Variants in INSR observed in about 807,000 individuals in gnomAD.
INSR encodes the protein IR.
In INSR, 67 loss-of-function variants were observed where a neutral mutation model predicts 142.6. That is an observed-to-expected ratio of 0.47 (90% CI 0.39 to 0.58). The LOEUF is 0.58. Among genes scored for constraint, INSR ranks in the 20% least tolerant of loss-of-function variants. The pLI, the probability that INSR is intolerant of heterozygous loss-of-function variation, is 0.00. For synonymous variants in INSR, 756 were observed against 743.1 expected (o/e 1.02, Z -0.28); for missense variants, 1,248 against 1,833.2 (o/e 0.68, Z 5.83).
chr19:7,249,453 A>G (rs551736440), intron 2 of INSR, among the ~76,000 whole-genome samples: 1 of 152,304 alleles, frequency 6.6e-6, no homozygotes, highest in East Asian at 1.9e-4. Flanking sequence ...CAGACACTAA[A>G]AAAAGGGAGG....
intron 1 of INSR, among the ~76,000 whole-genome samples, chr19:7,283,021 C>T (rs1190985627): frequency 6.7e-6 from 1 of 150,266 alleles, no homozygotes. Context: ...TGGTGAGACC[C>T]CATCTCTACT....
intron 9 of INSR, among the ~76,000 whole-genome samples, chr19:7,153,353 A>ACC (rs1973484306): frequency 1.1e-5 from 1 of 92,766 alleles, no homozygotes; most frequent in Admixed American, 1.2e-4. Context: ...ACCACAGACC[A>ACC]CACACCACAC....
rs1600141180 is a variant in INSR, at chr19:7,293,817, G to C, written c.75C>G (p.Ala25=). The C allele has an allele frequency of 7.4e-7, 1 of 1,353,278 alleles. No individual in the cohort carries two copies. The highest frequency in any genetic ancestry group is 1.5e-5 in the African/African-American group (1 of 66,544). 83.8% of individuals were successfully genotyped at this position (1,353,278 alleles called of 1,614,324 possible). The change falls in exon 1 of 22, where the codon GCC becomes GCG. Residue 25 remains alanine (A), a synonymous_variant. Transcript: ENST00000302850. The part of the protein sequence containing the change: ...LVAVAALLLG[A]AGHLYPGEVC... ...CCTCTCCGGGGTACAGGTGGCCCGC[G>C]GCGCCCAGTAGCAGCGCGGCCACCG...
At chr19:7,264,038 G>A (rs77030109) in intron 2 of INSR, among the ~76,000 whole-genome samples, 4,025 of 152,164 alleles carry the variant, frequency 0.026, 138 homozygotes, top group East Asian at 0.15. Context: ...GTGTGGTGGC[G>A]CATGCCTGTA....
At chr19:7,187,489 A>T (rs1026161227) in intron 2 of INSR, among the ~76,000 whole-genome samples, 26 of 152,348 alleles carry the variant, frequency 1.7e-4, no homozygotes, top group Admixed American at 1.4e-3. Flanking sequence ...TAAAATTTTT[A>T]AAAAGTTTTA....
intron 2 of INSR, among the ~76,000 whole-genome samples, chr19:7,252,742 A>G (rs1431393780): frequency 6.6e-6 from 1 of 152,082 alleles, no homozygotes; most frequent in Non-Finnish European, 1.5e-5. Flanking sequence ...TCTGGGCTAC[A>G]CTCAATAAGC....
At chr19:7,143,418 G>A (rs1337995374) in intron 11 of INSR, among the ~76,000 whole-genome samples, 1 of 152,206 alleles carries the variant, frequency 6.6e-6, no homozygotes, top group Non-Finnish European at 1.5e-5. Flanking sequence ...AGGCCAGCCA[G>A]GGTCAGTGAC....
chr19:7,204,491 GA>G (rs768197788), intron 2 of INSR, among the ~76,000 whole-genome samples: 2 of 152,130 alleles, frequency 1.3e-5, no homozygotes, highest in Non-Finnish European at 2.9e-5. Context: ...TATTCTATTA[GA>G]AAAACATGTG....
chr19:7,175,598 T>C (rs1263044790), intron 3 of INSR, among the ~76,000 whole-genome samples: 1 of 151,668 alleles, frequency 6.6e-6, no homozygotes, highest in African/African-American at 2.4e-5. Context: ...ACTTTGGGAG[T>C]CCGAGGCGGG....
chr19:7,185,852 AAAAAAAAG>A (rs1290828993), intron 2 of INSR, among the ~76,000 whole-genome samples: 38 of 144,158 alleles, frequency 2.6e-4, no homozygotes, highest in African/African-American at 9.6e-4. Flanking sequence ...AAAAAAAAAA[AAAAAAAAG>A]AGAGAGAGAG....
chr19:7,151,165 T>TC (rs1491500265), intron 10 of INSR, among the ~76,000 whole-genome samples: 190 of 4,008 alleles, frequency 0.047, 1 homozygote, highest in Admixed American at 0.09. Context: ...TTTCTTTCTC[T>TC]TTCTTTCTTT....
intron 2 of INSR, among the ~76,000 whole-genome samples, chr19:7,259,120 C>CCTTCCTTTCTTTA (rs1976985003): frequency 1.0e-5 from 1 of 97,288 alleles, no homozygotes; most frequent in Non-Finnish European, 2.2e-5. Context: ...TCCTTTCTTT[C>CCTTCCTTTCTTTA]CTTTTATTTC....
chr19:7,160,903 C>T (rs1314910561), intron 9 of INSR, among the ~76,000 whole-genome samples: 1 of 147,572 alleles, frequency 6.8e-6, no homozygotes, highest in African/African-American at 2.5e-5. Context: ...GGCTAAGGCA[C>T]AAGAATCGCT....
intron 2 of INSR, among the ~76,000 whole-genome samples, chr19:7,220,393 C>T (rs1975576332): frequency 6.6e-6 from 1 of 152,200 alleles, no homozygotes; most frequent in African/African-American, 2.4e-5. Context: ...CGGGTTCAAA[C>T]GAGTCTCCTG....
chr19:7,208,365 T>C (rs1401914314), intron 2 of INSR, among the ~76,000 whole-genome samples: 1 of 152,100 alleles, frequency 6.6e-6, no homozygotes, highest in East Asian at 1.9e-4. Context: ...CCGTGTATTA[T>C]TCACAAAGAG....
In INSR at chr19:7,116,903, G is replaced by T; in HGVS notation, c.*153C>A. 2.9e-6 allele frequency: 2 copies of T among 701,434 alleles called. No individual in the cohort carries two copies. The highest frequency in any genetic ancestry group is 2.6e-5 in the East Asian group (1 of 38,600). The allele number at this position is 701,434 out of a possible 1,614,324, so 43.5% of individuals were successfully genotyped here. On this transcript the variant is annotated 3_prime_UTR_variant, in exon 22 of 22. Transcript: ENST00000302850. ...ACTAGTTAAATTGGTAACCAAACGA[G>T]TCCACCTTAAGATGAACAGAAATGT...
chr19:7,181,074 G>T (rs1332612401), intron 3 of INSR, among the ~76,000 whole-genome samples: 1 of 151,830 alleles, frequency 6.6e-6, no homozygotes, highest in Non-Finnish European at 1.5e-5. Context: ...CCGAGTAGCT[G>T]GGATTACAGG....
At chr19:7,158,258 T>G (rs1179778407) in intron 9 of INSR, among the ~76,000 whole-genome samples, 2 of 151,856 alleles carry the variant, frequency 1.3e-5, no homozygotes, top group East Asian at 3.9e-4. Context: ...CCCAGCACGT[T>G]GGGAGGCCAA....
chr19:7,242,529 G>A (rs1976385533), intron 2 of INSR, among the ~76,000 whole-genome samples: 2 of 151,906 alleles, frequency 1.3e-5, no homozygotes, highest in African/African-American at 4.8e-5. Flanking sequence ...CTTGAGGTCA[G>A]GAGTTCGAGA....
Sources: gnomAD v4.1 joint callset for allele counts (sites outside exome capture counted in the v4.1 genomes callset) on GRCh38, gnomAD v4.1.1 for gene constraint, MANE v1.5 for transcripts, NCBI Gene and HGNC (gene_info 2026-07-23, HGNC 2026-07-21) for gene names.